Variants in HS6ST2 observed in about 807,000 individuals in gnomAD.
HS6ST2 encodes the protein heparan sulfate 6-O-sulfotransferase 2.
A neutral mutation model predicts 33.0 loss-of-function variants in HS6ST2; 17 were observed. The ratio of observed to expected loss-of-function variants is 0.52; its 90% CI spans 0.35 to 0.77. The LOEUF (loss-of-function observed/expected upper bound fraction) is 0.77. Among genes scored for constraint, HS6ST2 ranks in the 30% least tolerant of loss-of-function variants. HS6ST2 has a pLI of 0.01. For missense variants in HS6ST2, 519 were observed against 551.7 expected (o/e 0.94, Z 0.59); for synonymous variants, 248 against 237.1 (o/e 1.05, Z -0.42).
chrX:132,665,644 G>A (rs974200651), intron 4 of HS6ST2, among the ~76,000 whole-genome samples: 3 of 111,543 alleles, frequency 2.7e-5, no homozygotes, highest in African/African-American at 9.8e-5. Flanking sequence ...CATTACCAAA[G>A]GGAACCATAT....
intron 3 of HS6ST2, among the ~76,000 whole-genome samples, chrX:132,699,541 CCATTT>C (rs935797021): frequency 6.3e-5 from 7 of 111,851 alleles, no homozygotes; most frequent in African/African-American, 2.3e-4. Context: ...AGCTCTTATC[CCATTT>C]CATTTTCTCA....
At chrX:132,889,820 CACATAGCCAAAGCAAG>C (rs2148450157) in intron 2 of HS6ST2, among the ~76,000 whole-genome samples, 1 of 111,311 alleles carries the variant, frequency 9.0e-6, no homozygotes, top group Admixed American at 9.6e-5. Context: ...AAAATTAGCC[CACATAGCCAAAGCAAG>C]ACTAAGCAAA....
intron 4 of HS6ST2, among the ~76,000 whole-genome samples, chrX:132,638,015 G>A (rs1207389414): frequency 2.2e-5 from 2 of 89,219 alleles, no homozygotes; most frequent in African/African-American, 8.4e-5. Flanking sequence ...TGTTCTTGGA[G>A]AAACAATGAG....
At chrX:132,939,699 A>G (rs1394841210) in intron 2 of HS6ST2, among the ~76,000 whole-genome samples, 1 of 112,369 alleles carries the variant, frequency 8.9e-6, no homozygotes, top group Admixed American at 9.5e-5. Context: ...TCAATTTACA[A>G]TAATATCAAA....
At chrX:132,750,896 C>T (rs1001109295) in intron 2 of HS6ST2, among the ~76,000 whole-genome samples, 13 of 112,193 alleles carry the variant, frequency 1.2e-4, no homozygotes, top group East Asian at 2.8e-4. Context: ...CACCAGGCTG[C>T]GTGATCTGTT....
At chrX:132,715,937 A>G (rs988768795) in intron 2 of HS6ST2, among the ~76,000 whole-genome samples, 14 of 112,741 alleles carry the variant, frequency 1.2e-4, no homozygotes, top group Non-Finnish European at 2.6e-4. Context: ...ATTTTGAGAA[A>G]TAATGCCTTA....
intron 4 of HS6ST2, among the ~76,000 whole-genome samples, chrX:132,633,852 A>G (rs190783998): frequency 8.9e-6 from 1 of 111,776 alleles, no homozygotes. Flanking sequence ...ATTCCACTTT[A>G]TTGGAACATG....
rs143489852 is a variant in HS6ST2, at chrX:132,666,529, T to G, written c.1067+2584A>C. Reference sequence around the variant, plus strand: ...TCCTCTTGGAGCCTCAATTTCCTCATGTGTGCAATAGAAATAATAGTGCCT... The same window carrying G: ...TCCTCTTGGAGCCTCAATTTCCTCAGGTGTGCAATAGAAATAATAGTGCCT... On this transcript the variant is annotated intron_variant, in intron 4 of 4. Coordinates refer to ENST00000370833, the MANE Select transcript of HS6ST2 (RefSeq NM_001394073.1). 6.3e-3 allele frequency among the ~76,000 whole-genome samples: 703 copies of G among 111,634 alleles called. 5 individuals are homozygous for G. The highest frequency in any genetic ancestry group is 0.021 in the African/African-American group (638 of 30,745).
intron 4 of HS6ST2, among the ~76,000 whole-genome samples, 165 bp downstream of exon 4, chrX:132,668,948 C>G (rs1274452446): frequency 9.0e-6 from 1 of 111,636 alleles, no homozygotes; most frequent in Non-Finnish European, 1.9e-5. Context: ...ATATTACTGA[C>G]ACATGCCTTG....
At chrX:132,701,451 C>T (rs2064143626) in intron 3 of HS6ST2, among the ~76,000 whole-genome samples, 1 of 112,191 alleles carries the variant, frequency 8.9e-6, no homozygotes, top group African/African-American at 3.2e-5. Flanking sequence ...AAAATCTAGT[C>T]ATGGAGTTGA....
chrX:132,634,571 T>C (rs1207256721), intron 4 of HS6ST2, among the ~76,000 whole-genome samples: 1 of 112,220 alleles, frequency 8.9e-6, no homozygotes, highest in Non-Finnish European at 1.9e-5. Flanking sequence ...TTCTACTGAA[T>C]GACAGTTCTC....
rs781261106 is a variant in HS6ST2, at chrX:132,684,045, C to T, written c.981-14846G>A. On this transcript the variant is annotated intron_variant, in intron 3 of 4. Transcript: ENST00000370833. ...CTGGGGTTAGCTCTGAGTTTCCCAGCAACGAAGGCAATAAACATTAAAAGA... is the reference window on the plus strand; with the variant it reads ...CTGGGGTTAGCTCTGAGTTTCCCAGTAACGAAGGCAATAAACATTAAAAGA... Among the ~76,000 whole-genome samples, 3 of 109,107 alleles carry T rather than the reference C, an allele frequency of 2.7e-5. No individual in the cohort carries two copies. In the East Asian group the frequency reaches 8.6e-4, roughly 31 times the overall value. The allele number at this position is 109,107 out of a possible 115,157, so 94.7% of individuals were successfully genotyped here. A position where few individuals can be genotyped will look rare whatever the true frequency, so the allele number is the denominator to read the frequency against.
In HS6ST2 at chrX:132,922,199, G is replaced by A. The variant is rs759491931; in HGVS notation, c.947+34609C>T. On this transcript the variant is annotated intron_variant, in intron 2 of 4. Transcript: ENST00000370833. ...AGGCGGATCACGAGGTCAGGAGATC[G>A]AGACCATCCTGGCTAACATGGTGAA... is the stretch of plus-strand genomic sequence containing the variant. 9.0e-5 allele frequency among the ~76,000 whole-genome samples: 10 copies of A among 111,557 alleles called. No homozygotes were observed. The South Asian group carries it at 3.3e-3, about 37-fold the overall frequency.
chrX:132,759,595 T>C (rs1000231016), intron 2 of HS6ST2, among the ~76,000 whole-genome samples: 1 of 111,259 alleles, frequency 9.0e-6, no homozygotes, highest in Admixed American at 9.6e-5. Context: ...GGTGATAATT[T>C]CACAACATAA....
At chrX:132,902,515 A>G (rs2066435045) in intron 2 of HS6ST2, among the ~76,000 whole-genome samples, 1 of 111,810 alleles carries the variant, frequency 8.9e-6, no homozygotes, top group Non-Finnish European at 1.9e-5. Context: ...GAGATGAAAT[A>G]TATTTGTTAC....
chrX:132,747,745 C>G (rs1035911687), intron 2 of HS6ST2, among the ~76,000 whole-genome samples: 47 of 110,467 alleles, frequency 4.3e-4, no homozygotes, highest in African/African-American at 1.5e-3. Flanking sequence ...TAGACAGGCA[C>G]AGGGCAAAAA....
chrX:132,796,947 T>A (rs1300398479), intron 2 of HS6ST2, among the ~76,000 whole-genome samples: 4 of 111,746 alleles, frequency 3.6e-5, no homozygotes, highest in Non-Finnish European at 7.5e-5. Context: ...TAAAATCATA[T>A]AAAGGAAAGG....
At chrX:132,635,543 CA>C (rs1173420973) in intron 4 of HS6ST2, among the ~76,000 whole-genome samples, 5 of 111,718 alleles carry the variant, frequency 4.5e-5, no homozygotes, top group African/African-American at 1.6e-4. Flanking sequence ...CCAGCCTTCT[CA>C]AGTGAGCTCC....
In HS6ST2 at chrX:132,708,459, T is replaced by A; in HGVS notation, c.980+3A>T. The A allele has an allele frequency of 8.5e-7, 1 of 1,172,412 alleles. No homozygotes were observed. Among genetic ancestry groups the A allele is most frequent in the Non-Finnish European group, 1.1e-6 (1 of 873,584 alleles). Reference sequence around the variant, plus strand: ...GTCAAACTAAAAATACATTGTTACTTACCTTGCTGCATCTAGAATCTGAAA... The same window carrying A: ...GTCAAACTAAAAATACATTGTTACTAACCTTGCTGCATCTAGAATCTGAAA... On this transcript the variant is annotated splice_donor_region_variant and intron_variant, in intron 3 of 4. Coordinates refer to ENST00000370833, the MANE Select transcript of HS6ST2 (RefSeq NM_001394073.1).
Sources: allele counts gnomAD v4.1 joint callset (sites outside exome capture counted in the v4.1 genomes callset), GRCh38; gene constraint gnomAD v4.1.1; transcripts MANE v1.5; gene names NCBI Gene and HGNC (gene_info 2026-07-23, HGNC 2026-07-21).